The following EXOC6 variants were observed in gnomAD, a reference collection of about 807,000 sequenced individuals.
EXOC6 encodes the protein SEC15-like 1.
EXOC6 carries 60 observed loss-of-function variants against 112.5 expected under a neutral mutation model. That is an observed-to-expected ratio of 0.53 (90% confidence interval 0.43 to 0.66). The LOEUF (loss-of-function observed/expected upper bound fraction) is 0.66. Among genes scored for constraint, EXOC6 ranks in the 30% least tolerant of loss-of-function variants. The probability of loss-of-function intolerance (pLI) is 0.00; values close to 1 mark genes in which losing one functional copy is unlikely to be tolerated. For synonymous variants in EXOC6, 295 were observed against 308.0 expected (o/e 0.96, Z 0.44); for missense variants, 855 against 957.1 (o/e 0.89, Z 1.41).
intron 1 of EXOC6, among the ~76,000 whole-genome samples, chr10:92,829,349 ATT>A (rs1846436014): frequency 6.6e-6 from 1 of 152,286 alleles, no homozygotes; most frequent in Non-Finnish European, 1.5e-5. Flanking sequence ...TGGAAGTCCC[ATT>A]CGGGCGCCCC....
chr10:93,006,215 G>A (rs1319882606), intron 19 of EXOC6, among the ~76,000 whole-genome samples: 1 of 151,948 alleles, frequency 6.6e-6, no homozygotes, highest in Non-Finnish European at 1.5e-5. Context: ...AAAGGATGCT[G>A]TTTATAGAGT....
intron 6 of EXOC6, 131 bp downstream of exon 6, chr10:92,909,762 T>C (rs1243372508): frequency 1.6e-6 from 1 of 623,860 alleles, no homozygotes; most frequent in Non-Finnish European, 2.7e-6. Flanking sequence ...TTTCTGGTTA[T>C]TGTTTAGAAA....
chr10:92,983,490 CT>C (rs11349491), intron 18 of EXOC6, among the ~76,000 whole-genome samples: 126,647 of 144,016 alleles, frequency 0.88, 55,786 homozygotes, highest in East Asian at 1. Context: ...CTATTTCTTT[CT>C]TTCTTCTTCT....
rs761830399 is a variant in EXOC6, at chr10:93,028,296, C to CA, written c.2169+14037dup. 1.5e-3 allele frequency among the ~76,000 whole-genome samples: 220 copies of CA among 149,828 alleles called. 1 individual carries two copies. The highest frequency in any genetic ancestry group is 1.7e-3 in the Non-Finnish European group (117 of 67,336). On this transcript the variant is annotated intron_variant, in intron 20 of 21. Transcript: ENST00000260762. Reference sequence around the variant, plus strand: ...TGGGCAACAGAGCAAGACCCTGTTTCAAAAAAAAGAAAAAAGTTTCCATTC... The same window carrying CA: ...TGGGCAACAGAGCAAGACCCTGTTTCAAAAAAAAAGAAAAAAGTTTCCATTC...
intron 1 of EXOC6, among the ~76,000 whole-genome samples, chr10:92,835,151 G>C (rs1846624395): frequency 6.6e-6 from 1 of 152,116 alleles, no homozygotes; most frequent in Admixed American, 6.5e-5. Flanking sequence ...AAAACATTCA[G>C]AACAATTAGA....
intron 1 of EXOC6, among the ~76,000 whole-genome samples, chr10:92,857,340 ATGTT>A (rs1487391868): frequency 6.6e-6 from 1 of 152,006 alleles, no homozygotes; most frequent in African/African-American, 2.4e-5. Flanking sequence ...AGGTATAGAA[ATGTT>A]ACTCTTATAT....
rs759289388 is a variant in EXOC6 at position 92,934,467 on chromosome 10, C to T, written c.1140+37C>T. 1.7e-5 allele frequency: 26 copies of T among 1,505,852 alleles called. No homozygotes were observed. The African/African-American group carries it at 3.7e-4, about 22-fold the overall frequency. 93.3% of individuals were successfully genotyped at this position (1,505,852 alleles called of 1,614,324 possible). A position where few individuals can be genotyped will look rare whatever the true frequency, so the allele number is the denominator to read the frequency against. ...AATTTACATTACTAAAATTTTAATT[C>T]AGTTACTTCAAGAACTTCTGAGCTG... On this transcript the variant is annotated intron_variant, in intron 11 of 21. Transcript: ENST00000260762.
intron 17 of EXOC6, among the ~76,000 whole-genome samples, chr10:92,972,864 T>C (rs1226441692): frequency 6.6e-6 from 1 of 152,232 alleles, no homozygotes; most frequent in African/African-American, 2.4e-5. Context: ...GGAGCCTTCT[T>C]AGGTCTTTCC....
At chr10:92,961,964 C>T (rs1854028529) in intron 17 of EXOC6, among the ~76,000 whole-genome samples, 1 of 151,952 alleles carries the variant, frequency 6.6e-6, no homozygotes, top group Non-Finnish European at 1.5e-5. Context: ...ATGTAGCAGC[C>T]ACTTTTTAAA....
intron 1 of EXOC6, among the ~76,000 whole-genome samples, chr10:92,862,910 G>C (rs932856622): frequency 2.1e-4 from 32 of 152,226 alleles, no homozygotes; most frequent in African/African-American, 7.7e-4. Flanking sequence ...TGGGTCATAT[G>C]GTAATTCTGT....
In EXOC6 at chr10:92,952,394, A is replaced by C; in HGVS notation, c.1526+12A>C. On this transcript the variant is annotated intron_variant, in intron 15 of 21. Coordinates refer to ENST00000260762, the MANE Select transcript of EXOC6 (RefSeq NM_019053.6). ...TCACTACACCGGAGGTGAGTTTACT[A>C]ATCACAAATGCATTTTTGTCATAAC... 1 of 1,444,016 alleles carries C rather than the reference A, an allele frequency of 6.9e-7. No homozygotes were observed. The highest frequency in any genetic ancestry group is 1.2e-5 in the South Asian group (1 of 84,678). 89.5% of individuals were successfully genotyped at this position (1,444,016 alleles called of 1,614,324 possible).
chr10:92,866,653 A>G (rs1848187513), intron 1 of EXOC6, among the ~76,000 whole-genome samples: 1 of 152,118 alleles, frequency 6.6e-6, no homozygotes, highest in African/African-American at 2.4e-5. Flanking sequence ...TATGTAGGGT[A>G]ATGTTAGCTT....
At chr10:92,948,572 C>CTA (rs1264611258) in intron 14 of EXOC6, among the ~76,000 whole-genome samples, 193 bp downstream of exon 14, 136 of 139,330 alleles carry the variant, frequency 9.8e-4, no homozygotes, top group Middle Eastern at 3.6e-3. Context: ...ACTACTACTA[C>CTA]CACTACTACT....
In EXOC6 at chr10:92,902,812, C is replaced by T. The variant is rs529583685; in HGVS notation, c.458+3168C>T. Among the ~76,000 whole-genome samples the T allele has an allele frequency of 5.5e-4, 83 of 152,204 alleles. No individual in the cohort carries two copies. The Middle Eastern group carries it at 0.01, about 19-fold the overall frequency. ...ATAACCACTTTCTGATTTTTAACAT[C>T]ATAGGTTAGTTTTGTGTGTTTTTAG... On this transcript the variant is annotated intron_variant, in intron 5 of 21. Transcript: ENST00000260762.
upstream of EXOC6, among the ~76,000 whole-genome samples, chr10:92,844,518 G>C (rs982674112): frequency 2.0e-5 from 3 of 152,026 alleles, no homozygotes; most frequent in African/African-American, 7.2e-5. Flanking sequence ...CTCTACAAAA[G>C]CAGGAAACAT....
At position 93,003,262 on chromosome 10, in the gene EXOC6, A is replaced by C. The variant is rs150276056; in HGVS notation, c.2095+5647A>C. ...CCTCAAAATGTCAATCTGCAGGTAGAAACAAATAGCACATCTAGATGTAGT... is the reference window on the plus strand; with the variant it reads ...CCTCAAAATGTCAATCTGCAGGTAGCAACAAATAGCACATCTAGATGTAGT... On this transcript the variant is annotated intron_variant, in intron 19 of 21. Coordinates refer to ENST00000260762, the MANE Select transcript of EXOC6 (RefSeq NM_019053.6). Among the ~76,000 whole-genome samples the C allele has an allele frequency of 8.7e-3, 1,321 of 152,280 alleles. 18 individuals carry two copies. The highest frequency in any genetic ancestry group is 0.028 in the African/African-American group (1,144 of 41,552).
At chr10:92,909,674 C>A (rs2133870807) in intron 6 of EXOC6, 43 bp downstream of exon 6, 1 of 1,208,510 alleles carries the variant, frequency 8.3e-7, no homozygotes. Context: ...TTTAGTAATA[C>A]AGGATCTGGA....
intron 1 of EXOC6, among the ~76,000 whole-genome samples, chr10:92,828,734 T>G (rs1846426151): frequency 6.8e-6 from 1 of 147,278 alleles, no homozygotes; most frequent in South Asian, 2.1e-4. Flanking sequence ...GTGTGTATTT[T>G]TTTTTTTTTT....
intron 13 of EXOC6, 145 bp downstream of exon 13, chr10:92,940,969 A>G (rs1246862706): frequency 3.0e-6 from 2 of 663,470 alleles, no homozygotes; most frequent in Non-Finnish European, 5.2e-6. Flanking sequence ...GCCATTTTCA[A>G]GTGTGTAGTT....
Sources: allele counts gnomAD v4.1 joint callset (sites outside exome capture counted in the v4.1 genomes callset), GRCh38; gene constraint gnomAD v4.1.1; transcripts MANE v1.5; gene names NCBI Gene and HGNC (gene_info 2026-07-23, HGNC 2026-07-21).